The following ADAM10 variants were observed in gnomAD, a reference collection of about 807,000 sequenced individuals.
ADAM10 encodes the protein ADAM metallopeptidase domain 10.
ADAM10 carries 17 observed loss-of-function variants against 90.1 expected under a neutral mutation model. That is an observed-to-expected ratio of 0.19 (90% CI 0.13 to 0.28). ADAM10 has a LOEUF of 0.28. ADAM10 is among the 10% of genes least tolerant of loss of function. The pLI is 1.00. For missense variants in ADAM10, 610 were observed against 914.3 expected, an observed-to-expected ratio of 0.67 and a Z score of 4.29; for synonymous variants, 310 against 298.6, an observed-to-expected ratio of 1.04 and a Z score of -0.40.
chr15:58,695,398 A>G (rs1897948064), intron 2 of ADAM10, among the ~76,000 whole-genome samples: 1 of 152,348 alleles, frequency 6.6e-6, no homozygotes, highest in East Asian at 1.9e-4. Flanking sequence ...CTGATAGGAA[A>G]TTCTAGGCCA....
At chr15:58,681,077 C>A (rs1239285457) in intron 3 of ADAM10, among the ~76,000 whole-genome samples, 4 of 152,206 alleles carry the variant, frequency 2.6e-5, no homozygotes, top group African/African-American at 9.6e-5. Context: ...TCCCAAAGCA[C>A]TGGGATTACA....
intron 2 of ADAM10, among the ~76,000 whole-genome samples, chr15:58,693,837 T>C (rs1305717409): frequency 6.7e-6 from 1 of 148,244 alleles, no homozygotes; most frequent in Non-Finnish European, 1.5e-5. Context: ...AGAACTTATA[T>C]TCGGAATATC....
chr15:58,644,202 T>A (rs1329276213), intron 6 of ADAM10, among the ~76,000 whole-genome samples: 1 of 151,564 alleles, frequency 6.6e-6, no homozygotes, highest in Admixed American at 6.6e-5. Context: ...TAAACATGCA[T>A]ACTTCTTTGC....
intron 15 of ADAM10, among the ~76,000 whole-genome samples, chr15:58,598,532 T>C (rs1012124555): frequency 6.6e-6 from 1 of 152,186 alleles, no homozygotes; most frequent in Admixed American, 6.5e-5. Context: ...AGAGAAAAAG[T>C]GTAAGAAACC....
intron 4 of ADAM10, 138 bp downstream of exon 4, chr15:58,678,986 C>A: frequency 3.7e-6 from 3 of 809,502 alleles, no homozygotes; most frequent in Admixed American, 2.5e-5. Context: ...CCTTAAATAG[C>A]AATTGCTAGT....
At chr15:58,615,434 G>A (rs1895580356) in intron 11 of ADAM10, among the ~76,000 whole-genome samples, 1 of 152,014 alleles carries the variant, frequency 6.6e-6, no homozygotes, top group Non-Finnish European at 1.5e-5. Context: ...TTCTCCCTCT[G>A]TAGCTTTTAA....
At chr15:58,686,108 T>G (rs1239809799) in intron 2 of ADAM10, among the ~76,000 whole-genome samples, 1 of 152,218 alleles carries the variant, frequency 6.6e-6, no homozygotes, top group Non-Finnish European at 1.5e-5. Context: ...TGCACAGGCG[T>G]TCACCTGTAG....
At chr15:58,612,917 T>C (rs927499976) in intron 11 of ADAM10, among the ~76,000 whole-genome samples, 12 of 152,120 alleles carry the variant, frequency 7.9e-5, no homozygotes, top group Middle Eastern at 3.2e-3. Context: ...AGTACCATAA[T>C]AGGTTTGTGA....
intron 5 of ADAM10, among the ~76,000 whole-genome samples, chr15:58,651,981 G>A (rs1381881708): frequency 6.6e-6 from 1 of 152,050 alleles, no homozygotes; most frequent in Non-Finnish European, 1.5e-5. Flanking sequence ...ATTTTTATTT[G>A]CATTTCTCCA....
chr15:58,615,922 C>T (rs570474819), intron 11 of ADAM10, among the ~76,000 whole-genome samples: 4 of 151,992 alleles, frequency 2.6e-5, no homozygotes, highest in South Asian at 4.2e-4. Context: ...GCAGGAGAAT[C>T]GCTTGAACCC....
intron 1 of ADAM10, among the ~76,000 whole-genome samples, chr15:58,722,970 G>T (rs1456133949): frequency 6.6e-6 from 1 of 151,926 alleles, no homozygotes; most frequent in African/African-American, 2.4e-5. Context: ...GGGCTCAAGC[G>T]ATCCTCCTGC....
chr15:58,674,217 A>C (rs1226099805), intron 4 of ADAM10, among the ~76,000 whole-genome samples: 1 of 152,240 alleles, frequency 6.6e-6, no homozygotes, highest in Non-Finnish European at 1.5e-5. Flanking sequence ...AAAAAGGAAA[A>C]GACAGAGTCA....
chr15:58,660,522 T>TG (rs1450356049), intron 5 of ADAM10, among the ~76,000 whole-genome samples: 1 of 152,162 alleles, frequency 6.6e-6, no homozygotes, highest in Non-Finnish European at 1.5e-5. Flanking sequence ...CTCGCTGTGT[T>TG]GGCCAGGTTG....
chr15:58,722,206 A>G (rs371754057), intron 1 of ADAM10, among the ~76,000 whole-genome samples: 64 of 150,414 alleles, frequency 4.3e-4, no homozygotes, highest in African/African-American at 1.4e-3. Context: ...GCCTGGCGTG[A>G]TGGCATGCAT....
intron 11 of ADAM10, among the ~76,000 whole-genome samples, chr15:58,617,897 C>CAAA (rs75681109): frequency 6.0e-5 from 5 of 83,020 alleles, no homozygotes; most frequent in East Asian, 4.1e-4. Context: ...CTGAACAAGT[C>CAAA]AAAAAAAAAA....
intron 1 of ADAM10, chr15:58,748,483 C>A (rs754192972): frequency 7.1e-4 from 109 of 154,180 alleles, no homozygotes; most frequent in Non-Finnish European, 1.2e-3. Context: ...TGCAGCTGGT[C>A]CTAGAACACA....
At chr15:58,676,888 T>C (rs146923319) in intron 4 of ADAM10, among the ~76,000 whole-genome samples, 110 of 152,342 alleles carry the variant, frequency 7.2e-4, no homozygotes, top group African/African-American at 2.5e-3. Context: ...TGTGTTTCTT[T>C]GGCTGTTCTC....
At chr15:58,697,224 T>C (rs1898004809) in intron 2 of ADAM10, among the ~76,000 whole-genome samples, 1 of 152,084 alleles carries the variant, frequency 6.6e-6, no homozygotes, top group Non-Finnish European at 1.5e-5. Flanking sequence ...CTACTACACC[T>C]TTACAAGTGT....
chr15:58,706,609 G>A (rs1325115328), intron 2 of ADAM10, among the ~76,000 whole-genome samples: 1 of 152,082 alleles, frequency 6.6e-6, no homozygotes, highest in East Asian at 1.9e-4. Flanking sequence ...GAGAGGAGGA[G>A]GGGAAGAGGA....
Sources: gnomAD v4.1 joint callset for allele counts (sites outside exome capture counted in the v4.1 genomes callset) on GRCh38, gnomAD v4.1.1 for gene constraint, MANE v1.5 for transcripts, NCBI Gene and HGNC (gene_info 2026-07-23, HGNC 2026-07-21) for gene names.